Variants in CYSTM1 observed in about 807,000 individuals in gnomAD.
The protein encoded by CYSTM1 is cysteine-rich transmembrane module-containing protein 1.
A neutral mutation model predicts 13.1 loss-of-function variants in CYSTM1; 4 were observed. The observed-to-expected ratio is 0.31, with a 90% CI of 0.15 to 0.70. The LOEUF (loss-of-function observed/expected upper bound fraction) is 0.70. Among genes scored for constraint, CYSTM1 ranks in the 30% least tolerant of loss-of-function variants. The probability of loss-of-function intolerance (pLI) is 0.72; values close to 1 mark genes in which losing one functional copy is unlikely to be tolerated. For synonymous variants in CYSTM1, 36 were observed against 42.7 expected, an observed-to-expected ratio of 0.84 and a Z score of 0.62; for missense variants, 96 against 121.6, an observed-to-expected ratio of 0.79 and a Z score of 0.99.
chr5:140,218,704 A>G (rs1764458374), intron 2 of CYSTM1, among the ~76,000 whole-genome samples: 1 of 152,242 alleles, frequency 6.6e-6, no homozygotes, highest in African/African-American at 2.4e-5. Flanking sequence ...AGATGATGAC[A>G]GCAGCATTGC....
intron 2 of CYSTM1, among the ~76,000 whole-genome samples, chr5:140,216,258 C>A (rs1764425394): frequency 6.6e-6 from 1 of 152,182 alleles, no homozygotes; most frequent in Non-Finnish European, 1.5e-5. Context: ...GTCTCCATTT[C>A]AAATGTTAGT....
chr5:140,199,930 G>C (rs1425400325), intron 2 of CYSTM1, among the ~76,000 whole-genome samples: 5 of 152,230 alleles, frequency 3.3e-5, no homozygotes, highest in Non-Finnish European at 5.9e-5. Context: ...CTTTTGAGAA[G>C]TGTCTGTTCA....
chr5:140,189,665 A>G (rs1464838867), intron 1 of CYSTM1, among the ~76,000 whole-genome samples: 1 of 152,196 alleles, frequency 6.6e-6, no homozygotes, highest in African/African-American at 2.4e-5. Context: ...CTGTGAAAAT[A>G]TATAATAATT....
At chr5:140,179,624 A>G (rs1390459825) in intron 1 of CYSTM1, among the ~76,000 whole-genome samples, 1 of 151,740 alleles carries the variant, frequency 6.6e-6, no homozygotes, top group African/African-American at 2.4e-5. Context: ...TTCATATATA[A>G]ATAGTAAAGC....
intron 2 of CYSTM1, among the ~76,000 whole-genome samples, chr5:140,227,919 ATGTG>A (rs552363697): frequency 1.3e-4 from 20 of 152,126 alleles, no homozygotes; most frequent in African/African-American, 1.7e-4. Context: ...TATTTCAGAA[ATGTG>A]TGTGTGTGTA....
At chr5:140,233,040 G>A (rs1217572546) in intron 2 of CYSTM1, among the ~76,000 whole-genome samples, 1 of 152,178 alleles carries the variant, frequency 6.6e-6, no homozygotes, top group East Asian at 1.9e-4. Flanking sequence ...CACCATTACA[G>A]ATTTTGCTAA....
chr5:140,225,725 G>T lies in CYSTM1; in HGVS notation c.188-17580G>T, dbSNP rs145596374. Among the ~76,000 whole-genome samples, 657 of 152,332 alleles carry T rather than the reference G, an allele frequency of 4.3e-3. 4 individuals are homozygous for T. Among genetic ancestry groups the T allele is most frequent in the Admixed American group, 6.5e-3 (100 of 15,298 alleles). On this transcript the variant is annotated intron_variant, in intron 2 of 2. Transcript: ENST00000261811. ...TGTGTGTGAGCTGGAGTGAAGGAAG[G>T]TGTGCCTAGGCAGGGCCTTCGGTTC...
chr5:140,226,426 C>T (rs911151764), intron 2 of CYSTM1, among the ~76,000 whole-genome samples: 1 of 137,328 alleles, frequency 7.3e-6, no homozygotes, highest in Non-Finnish European at 1.6e-5. Flanking sequence ...GTCAGGAGTT[C>T]GAGACCAGCC....
intron 1 of CYSTM1, among the ~76,000 whole-genome samples, chr5:140,179,664 C>CTTTTG (rs1763940033): frequency 1.7e-5 from 1 of 60,420 alleles, no homozygotes; most frequent in Non-Finnish European, 3.5e-5. Flanking sequence ...TTTTTTCTTT[C>CTTTTG]TTTTCTTTTC....
intron 2 of CYSTM1, among the ~76,000 whole-genome samples, chr5:140,218,943 A>G (rs1267202430): frequency 1.3e-5 from 2 of 152,150 alleles, no homozygotes; most frequent in Admixed American, 1.3e-4. Context: ...TCCATCTACA[A>G]GGCCAACCTT....
chr5:140,228,713 T>G, intron 2 of CYSTM1: 1 of 399,086 alleles, frequency 2.5e-6, no homozygotes, highest in Non-Finnish European at 4.4e-6. Flanking sequence ...CTGCCCGCCC[T>G]GCACCCCCTT....
chr5:140,235,627 G>A (rs1238154436), intron 2 of CYSTM1, among the ~76,000 whole-genome samples: 2 of 151,622 alleles, frequency 1.3e-5, no homozygotes, highest in African/African-American at 4.8e-5. Context: ...GGATGGTCTC[G>A]ATCTTCTGAC....
At chr5:140,231,499 T>C (rs1427727773) in intron 2 of CYSTM1, among the ~76,000 whole-genome samples, 2 of 152,180 alleles carry the variant, frequency 1.3e-5, no homozygotes, top group Non-Finnish European at 2.9e-5. Flanking sequence ...AATCCCTGCT[T>C]TTGCAGGGCT....
chr5:140,226,586 T>TTATATATATATATATATATA (rs549334525), intron 2 of CYSTM1, among the ~76,000 whole-genome samples: 55 of 75,250 alleles, frequency 7.3e-4, no homozygotes, highest in South Asian at 1.1e-3. Context: ...ATACTAAATA[T>TTATATATATATATATATATA]TATATATATA....
intron 2 of CYSTM1, chr5:140,228,934 C>T (rs998419065): frequency 5.0e-6 from 2 of 396,952 alleles, no homozygotes; most frequent in Admixed American, 4.4e-5. Context: ...CTTTCTTTGA[C>T]AATAACTCAC....
chr5:140,177,123 G>A (rs557543054), intron 1 of CYSTM1, among the ~76,000 whole-genome samples: 25 of 150,110 alleles, frequency 1.7e-4, no homozygotes, highest in Non-Finnish European at 3.1e-4. Flanking sequence ...GAGTTTCTCC[G>A]TGTAAGGCTG....
chr5:140,193,733 A>G (rs1330667680), intron 1 of CYSTM1, among the ~76,000 whole-genome samples: 1 of 152,228 alleles, frequency 6.6e-6, no homozygotes, highest in Non-Finnish European at 1.5e-5. Context: ...CACAGAAGCA[A>G]ACCATGGAGG....
intron 2 of CYSTM1, among the ~76,000 whole-genome samples, chr5:140,242,741 G>A (rs527481308): frequency 2.6e-5 from 4 of 152,128 alleles, no homozygotes; most frequent in Admixed American, 6.5e-5. Context: ...GGCTCCAGCC[G>A]CCCCATCCCA....
intron 1 of CYSTM1, among the ~76,000 whole-genome samples, chr5:140,184,933 G>A (rs781776387): frequency 6.6e-6 from 1 of 152,192 alleles, no homozygotes; most frequent in Non-Finnish European, 1.5e-5. Context: ...AATTAATGTA[G>A]GTATGGTATG....
Sources: gnomAD v4.1 joint callset for allele counts (sites outside exome capture counted in the v4.1 genomes callset) on GRCh38, gnomAD v4.1.1 for gene constraint, MANE v1.5 for transcripts, NCBI Gene and HGNC (gene_info 2026-07-23, HGNC 2026-07-21) for gene names.